Variants in CUBN observed in about 807,000 individuals in gnomAD.
The protein encoded by CUBN is cubilin.
In CUBN, 282 loss-of-function variants were observed where a neutral mutation model predicts 405.3. That is an observed-to-expected ratio of 0.70 (90% CI 0.63 to 0.77). CUBN has a LOEUF of 0.77. Among genes scored for constraint, CUBN ranks in the 30% least tolerant of loss-of-function variants. CUBN has a pLI of 0.00. For missense variants in CUBN, 4,514 were observed against 4,475.2 expected, an observed-to-expected ratio of 1.01 and a Z score of -0.25; for synonymous variants, 1,684 against 1,617.0, an observed-to-expected ratio of 1.04 and a Z score of -0.99.
chr10:16,916,517 G>A lies in CUBN; in HGVS notation c.7001-487C>T, dbSNP rs1841889772. 2.0e-5 allele frequency among the ~76,000 whole-genome samples: 3 copies of A among 152,138 alleles called. No individual in the cohort carries two copies. The South Asian group carries it at 6.2e-4, about 32-fold the overall frequency. ...TTCACTACAGTAACTGATATCTCAGGGCCTTGAAAATTACTATTCAATTAT... is the reference window on the plus strand; with the variant it reads ...TTCACTACAGTAACTGATATCTCAGAGCCTTGAAAATTACTATTCAATTAT... On this transcript the variant is annotated intron_variant, in intron 45 of 66. Coordinates refer to ENST00000377833, the MANE Select transcript of CUBN (RefSeq NM_001081.4).
At chr10:16,927,742 C>T (rs1842231037) in intron 41 of CUBN, among the ~76,000 whole-genome samples, 1 of 152,210 alleles carries the variant, frequency 6.6e-6, no homozygotes, top group Admixed American at 6.5e-5. Flanking sequence ...TCCTGCCAAC[C>T]CTCAGATGGC....
intron 57 of CUBN, among the ~76,000 whole-genome samples, chr10:16,876,363 T>C (rs1840499928): frequency 6.6e-6 from 1 of 152,232 alleles, no homozygotes; most frequent in African/African-American, 2.4e-5. Context: ...GCTCCTCTTT[T>C]CTCTTTGCCT....
At chr10:16,906,867 A>T (rs1432835639) in intron 49 of CUBN, among the ~76,000 whole-genome samples, 1 of 152,240 alleles carries the variant, frequency 6.6e-6, no homozygotes, top group Admixed American at 6.5e-5. Context: ...TGCTTCTTGT[A>T]CCAATGAAAT....
chr10:16,983,446 T>C (rs572484283), intron 30 of CUBN, among the ~76,000 whole-genome samples: 45 of 152,208 alleles, frequency 3.0e-4, no homozygotes, highest in Non-Finnish European at 6.5e-4. Context: ...ACACTAACCT[T>C]TCTAAGCTTC....
intron 60 of CUBN, among the ~76,000 whole-genome samples, chr10:16,843,137 A>C (rs1839405985): frequency 1.3e-5 from 2 of 152,224 alleles, no homozygotes; most frequent in Admixed American, 1.3e-4. Flanking sequence ...ACTCTGTCTG[A>C]CTTCTTCACT....
chr10:16,876,769 C>T, intron 57 of CUBN, 128 bp downstream of exon 57: 2 of 861,924 alleles, frequency 2.3e-6, no homozygotes, highest in Non-Finnish European at 3.8e-6. Context: ...ATGAACCTCA[C>T]TGACAATCTT....
At chr10:17,104,848 G>A (rs1215379438) in intron 11 of CUBN, among the ~76,000 whole-genome samples, 2 of 141,036 alleles carry the variant, frequency 1.4e-5, no homozygotes, top group African/African-American at 2.7e-5. Flanking sequence ...TCGCTCTGTC[G>A]GCCAGGCTGG....
chr10:16,979,552 T>A (rs559592350), intron 31 of CUBN, among the ~76,000 whole-genome samples: 5 of 152,234 alleles, frequency 3.3e-5, no homozygotes, highest in African/African-American at 1.2e-4. Context: ...TCTACAACCA[T>A]CTGATCTTTA....
chr10:17,107,671 G>A (rs1564518140), intron 10 of CUBN, among the ~76,000 whole-genome samples: 1 of 151,824 alleles, frequency 6.6e-6, no homozygotes, highest in Admixed American at 6.6e-5. Context: ...CTAATTTTTT[G>A]TATTTTCAGT....
rs78777446 is a variant in CUBN, at chr10:17,038,910, C to A, written c.4017+2123G>T. Among the ~76,000 whole-genome samples the A allele has an allele frequency of 6.1e-3, 934 of 152,298 alleles. 4 individuals are homozygous for A. The highest frequency in any genetic ancestry group is 9.8e-3 in the Non-Finnish European group (665 of 68,024). On this transcript the variant is annotated intron_variant, in intron 27 of 66. Coordinates refer to ENST00000377833, the MANE Select transcript of CUBN (RefSeq NM_001081.4). Reference sequence around the variant, plus strand: ...TGTTGCACAAGAGAAATGGCATGACCATAACATGACAGACACGTCATCCAT... The same window carrying A: ...TGTTGCACAAGAGAAATGGCATGACAATAACATGACAGACACGTCATCCAT...
chr10:16,933,351 A>G, intron 39 of CUBN, 67 bp from the exon 40 acceptor site: 1 of 1,444,670 alleles, frequency 6.9e-7, no homozygotes. Flanking sequence ...GCACTTTTTC[A>G]CTTGAAAGTG....
chr10:16,867,362 T>C (rs896969247), intron 59 of CUBN, among the ~76,000 whole-genome samples: 1 of 152,214 alleles, frequency 6.6e-6, no homozygotes, highest in Admixed American at 6.5e-5. Flanking sequence ...CAGTCAAAGC[T>C]ATTCTTATTG....
chr10:16,881,494 T>C (rs889768021), intron 56 of CUBN, among the ~76,000 whole-genome samples: 3 of 152,208 alleles, frequency 2.0e-5, no homozygotes, highest in African/African-American at 4.8e-5. Flanking sequence ...AGGAAGTTTG[T>C]TGGGGAAATG....
chr10:16,972,880 A>G (rs775296563), intron 31 of CUBN, among the ~76,000 whole-genome samples: 41 of 152,018 alleles, frequency 2.7e-4, no homozygotes, highest in Non-Finnish European at 5.6e-4. Flanking sequence ...ACCACTGCCT[A>G]CTATGAGACC....
At chr10:16,877,509 C>A (rs1840546039) in intron 56 of CUBN, among the ~76,000 whole-genome samples, 1 of 152,130 alleles carries the variant, frequency 6.6e-6, no homozygotes, top group African/African-American at 2.4e-5. Flanking sequence ...CAGGGCAGCA[C>A]CTACACCCCG....
At chr10:17,070,460 T>C (rs1347769561) in intron 19 of CUBN, among the ~76,000 whole-genome samples, 1 of 152,212 alleles carries the variant, frequency 6.6e-6, no homozygotes, top group African/African-American at 2.4e-5. Context: ...TTAGGGAGTA[T>C]TGCCATCTTA....
chr10:16,929,650 C>T (rs929022686), intron 40 of CUBN, among the ~76,000 whole-genome samples: 24 of 152,076 alleles, frequency 1.6e-4, no homozygotes, highest in Admixed American at 1.6e-3. Context: ...GGTTTCTGAT[C>T]GCTGGAAACT....
chr10:16,994,225 C>G (rs1833669009), intron 28 of CUBN, among the ~76,000 whole-genome samples: 1 of 152,094 alleles, frequency 6.6e-6, no homozygotes, highest in African/African-American at 2.4e-5. Context: ...TATTGAGCAT[C>G]TGCCCATAAT....
chr10:17,031,907 C>CGGAT (rs1834797678), intron 27 of CUBN, among the ~76,000 whole-genome samples: 1 of 152,178 alleles, frequency 6.6e-6, no homozygotes, highest in South Asian at 2.1e-4. Flanking sequence ...CTTATTAGAG[C>CGGAT]GGATGCAAGG....
Sources: gnomAD v4.1 joint callset for allele counts (sites outside exome capture counted in the v4.1 genomes callset) on GRCh38, gnomAD v4.1.1 for gene constraint, MANE v1.5 for transcripts, NCBI Gene and HGNC (gene_info 2026-07-23, HGNC 2026-07-21) for gene names.